Variants in ZNF324 observed in about 807,000 individuals in gnomAD.
ZNF324 encodes zinc finger protein 324.
In ZNF324, 3 loss-of-function variants were observed where a neutral mutation model predicts 10.3. That is an observed-to-expected ratio of 0.29 (90% CI 0.13 to 0.75). The LOEUF is 0.75. ZNF324 is among the 30% of genes least tolerant of loss of function. The pLI is 0.69. For synonymous variants in ZNF324, 430 were observed against 339.5 expected (o/e 1.27, Z -2.93); for missense variants, 763 against 784.4 (o/e 0.97, Z 0.33).
At chr19:58,470,406 GT>G (rs1023649450) in intron 3 of ZNF324, 3 of 454,548 alleles carry the variant, frequency 6.6e-6, no homozygotes, top group Non-Finnish European at 1.2e-5. Context: ...GGGGAAGGGG[GT>G]AAGCAATGGA....
Position 58,474,653 on chromosome 19 carries a change from G to C in ZNF324, c.*2499G>C, listed in dbSNP as rs2053065705. On this transcript the variant is annotated 3_prime_UTR_variant, in exon 4 of 4. Coordinates refer to ENST00000196482, the MANE Select transcript of ZNF324 (RefSeq NM_014347.3). ...CCCCCTCTGCTCTTAATTTTGAATA[G>C]GTAGTGACTGTAAAAGTATCCCTGG... 6.6e-6 allele frequency: 1 copy of C among 152,118 alleles called. No homozygotes were observed. The allele number at this position is 152,118 out of a possible 1,614,324, so 9.4% of individuals were successfully genotyped here. A position where few individuals can be genotyped will look rare whatever the true frequency, so the allele number is the denominator to read the frequency against.
At chr19:58,467,438 A>C (rs1026594367) in intron 1 of ZNF324, 9 of 151,666 alleles carry the variant, frequency 5.9e-5, no homozygotes, top group African/African-American at 1.9e-4. Flanking sequence ...TGGCGGGGAA[A>C]GGCTGGGTGG....
rs762648210 is a variant in ZNF324, at chr19:58,472,020, C to T, written c.1528C>T (p.Arg510Trp). Residue 510 changes from arginine (R) to tryptophan (W), a missense_variant, in exon 4 of 4, where the codon CGG (arginine) becomes TGG (tryptophan). By Grantham distance (101) the Arg-to-Trp change is moderately radical. This residue lies in a region of ZNF324 where 231 missense variants were observed against 196.0 expected (regional missense o/e 1.18). Transcript: ENST00000196482. ...QRIHTGEKTV[R>W]RSRASLHPQA... The stretch of plus-strand genomic sequence containing the variant: ...GATCCATACCGGCGAGAAGACCGTC[C>T]GGCGATCCAGGGCCAGCCTGCACCC... The T allele has an allele frequency of 2.0e-5, 32 of 1,607,318 alleles. No homozygotes were observed. The highest frequency in any genetic ancestry group is 2.5e-5 in the Non-Finnish European group (30 of 1,179,718).
At chr19:58,469,138 C>G in intron 1 of ZNF324, 42 bp from the exon 2 acceptor site, 1 of 1,613,466 alleles carries the variant, frequency 6.2e-7, no homozygotes, top group African/African-American at 1.3e-5. Flanking sequence ...TTGGATAACC[C>G]AGCCTTAGAC....
rs766440384 is a variant in ZNF324, at chr19:58,469,169, T to C, written c.-6-11T>C. The stretch of plus-strand genomic sequence containing the variant: ...TAGACCATGGCTGTCTCTTCCTCCC[T>C]GCTCTTTTAGGACCAGATGGCCTTT... On this transcript the variant is annotated splice_polypyrimidine_tract_variant and intron_variant, in intron 1 of 3. Coordinates refer to ENST00000196482, the MANE Select transcript of ZNF324 (RefSeq NM_014347.3). 3.1e-6 allele frequency: 5 copies of C among 1,614,172 alleles called. No individual in the cohort carries two copies. The Admixed American group carries it at 8.3e-5, about 27-fold the overall frequency.
rs1017036798 is a variant in ZNF324 at position 58,474,333 on chromosome 19, C to T, written c.*2179C>T. 6.6e-6 allele frequency: 1 copy of T among 152,170 alleles called. No individual in the cohort carries two copies. Among genetic ancestry groups the T allele is most frequent in the Non-Finnish European group, 1.5e-5 (1 of 68,044 alleles). 9.4% of individuals were successfully genotyped at this position (152,170 alleles called of 1,614,324 possible). A position where few individuals can be genotyped will look rare whatever the true frequency, so the allele number is the denominator to read the frequency against. On this transcript the variant is annotated 3_prime_UTR_variant, in exon 4 of 4. Coordinates refer to ENST00000196482, the MANE Select transcript of ZNF324 (RefSeq NM_014347.3). ...AAAGCATCTGTCAAACAAGTAGATA[C>T]CCAGAGAGTCACGTGAAATCATTTC...
rs143155418 is a variant in ZNF324 at position 58,471,737 on chromosome 19, C to T, written c.1245C>T (p.His415=). 6 of 1,612,574 alleles carry T rather than the reference C, an allele frequency of 3.7e-6. No homozygotes were observed. The highest frequency in any genetic ancestry group is 5.1e-6 in the Non-Finnish European group (6 of 1,179,496). The change falls in exon 4 of 4, where the codon CAC becomes CAT. Residue 415 remains histidine (H), a synonymous_variant. Coordinates refer to ENST00000196482, the MANE Select transcript of ZNF324 (RefSeq NM_014347.3). ...GCCAGGGCTCCTCGCTCTTTAAGCA[C>T]CAGCGCGTGCACACAGGCGAGAAGC... ...AFSQGSSLFK[H]QRVHTGEKPF... is the part of the protein sequence containing the mutation.
chr19:58,471,875 C>G lies in ZNF324; in HGVS notation c.1383C>G (p.Ala461=). 6.2e-7 allele frequency: 1 copy of G among 1,612,200 alleles called. No homozygotes were observed. The highest frequency in any genetic ancestry group is 2.2e-5 in the East Asian group (1 of 44,876). Residue 461 remains alanine (A), a synonymous_variant, in exon 4 of 4, where the codon GCC becomes GCG. Coordinates refer to ENST00000196482, the MANE Select transcript of ZNF324 (RefSeq NM_014347.3). Reference sequence around the variant, plus strand: ...TCCGCTGCGTGGACTGTGGCAAGGCCTTCGCCAAGGGCGCCGTGCTGCTCA... The same window carrying G: ...TCCGCTGCGTGGACTGTGGCAAGGCGTTCGCCAAGGGCGCCGTGCTGCTCA... The part of the protein sequence containing the change: ...RPFRCVDCGK[A]FAKGAVLLSH...
At position 58,474,335 on chromosome 19, in the gene ZNF324, CAG is replaced by C. The variant is rs962663145; in HGVS notation, c.*2186_*2187del. On this transcript the variant is annotated 3_prime_UTR_variant, in exon 4 of 4. Transcript: ENST00000196482. Reference sequence around the variant, plus strand: ...AGCATCTGTCAAACAAGTAGATACCCAGAGAGTCACGTGAAATCATTTCTATG... The same window carrying C: ...AGCATCTGTCAAACAAGTAGATACCCAGAGTCACGTGAAATCATTTCTATG... The C allele has an allele frequency of 5.9e-5, 9 of 152,284 alleles. No individual in the cohort carries two copies. Among genetic ancestry groups the C allele is most frequent in the African/African-American group, 1.2e-4 (5 of 41,546 alleles). The allele number at this position is 152,284 out of a possible 1,614,324, so 9.4% of individuals were successfully genotyped here. A position where few individuals can be genotyped will look rare whatever the true frequency, so the allele number is the denominator to read the frequency against.
intron 1 of ZNF324, chr19:58,468,168 A>G: frequency 1.0e-6 from 1 of 984,896 alleles, no homozygotes. Flanking sequence ...GGGAAAGATC[A>G]AGAGTCTGGG....
rs1053257343 is a variant in ZNF324, at chr19:58,470,914, T to A, written c.422T>A (p.Val141Glu). The A allele has an allele frequency of 6.2e-7, 1 of 1,614,230 alleles. No homozygotes were observed. The highest frequency in any genetic ancestry group is 1.3e-5 in the African/African-American group (1 of 75,058). Residue 141 changes from valine (V) to glutamate (E), a missense_variant, in exon 4 of 4, where the codon GTG becomes GAG. This residue lies in a region of ZNF324 where 379 missense variants were observed against 319.4 expected (regional missense o/e 1.19). Coordinates refer to ENST00000196482, the MANE Select transcript of ZNF324 (RefSeq NM_014347.3). ...SRERKPTGVS[V>E]IYWERLLLGS... ...GAGAGAAAACCCACGGGGGTGTCGG[T>A]GATCTACTGGGAGAGGCTCCTGCTA...
chr19:58,467,213 C>T (rs1242665400), intron 1 of ZNF324, 30 bp downstream of exon 1: 2 of 152,308 alleles, frequency 1.3e-5, no homozygotes, highest in South Asian at 2.0e-4. Context: ...GTCGGGCCCG[C>T]CCTGCGCACG....
chr19:58,469,821 C>A lies in ZNF324; in HGVS notation c.215C>A (p.Thr72Asn). ...PSGTDTTLSRTTYRRRNPGSW... is the reference protein window; with the variant it reads ...PSGTDTTLSRNTYRRRNPGSW... ...GGAACGGACACAACCCTGTCCAGGA[C>A]CACCTACAGGAGGCGCAACCCTGGT... Residue 72 changes from threonine (T) to asparagine (N), a missense_variant, in exon 3 of 4, where the codon ACC becomes AAC. By Grantham distance (65) the Thr-to-Asn change is moderately conservative. Coordinates refer to ENST00000196482, the MANE Select transcript of ZNF324 (RefSeq NM_014347.3). The A allele has an allele frequency of 6.2e-7, 1 of 1,601,008 alleles. No homozygotes were observed. Among genetic ancestry groups the A allele is most frequent in the Non-Finnish European group, 8.5e-7 (1 of 1,173,892 alleles).
Position 58,470,734 on chromosome 19 carries a change from C to T in ZNF324, c.242C>T (p.Ser81Phe). The change falls in exon 4 of 4, where the codon TCC becomes TTC. Residue 81 changes from serine to phenylalanine, a missense_variant. Around this residue, in one of 3 missense-constraint regions of ZNF324, gnomAD observed 379 missense variants for 319.4 expected, o/e 1.19. Coordinates refer to ENST00000196482, the MANE Select transcript of ZNF324 (RefSeq NM_014347.3). ...ACCACTGTTTCTCTGCCTTTAGGTT[C>T]CTGGAGTTTGACAGAGGATAGAGAT... ...RTTYRRRNPG[S>F]WSLTEDRDVS... The T allele has an allele frequency of 6.2e-7, 1 of 1,614,228 alleles. No homozygotes were observed.
At position 58,471,768 on chromosome 19, in the gene ZNF324, G is replaced by C. The variant is rs761664990; in HGVS notation, c.1276G>C (p.Ala426Pro). ...CGTGCACACAGGCGAGAAGCCCTTC[G>C]CCTGCCCACAGTGCGGCCGCGCCTT... is the stretch of plus-strand genomic sequence containing the variant. ...QRVHTGEKPF[A>P]CPQCGRAFSH... Residue 426 changes from alanine (A) to proline (P), a missense_variant, in exon 4 of 4, where the codon GCC becomes CCC. This residue lies in a region of ZNF324 where 231 missense variants were observed against 196.0 expected (regional missense o/e 1.18). Transcript: ENST00000196482. 69 of 1,612,702 alleles carry C rather than the reference G, an allele frequency of 4.3e-5. No individual in the cohort carries two copies. Among genetic ancestry groups the C allele is most frequent in the Admixed American group, 1.7e-5 (1 of 59,972 alleles).
Position 58,470,965 on chromosome 19 carries a change from T to G in ZNF324, c.473T>G (p.Val158Gly). 2 of 1,614,202 alleles carry G rather than the reference T, an allele frequency of 1.2e-6. No homozygotes were observed. Among genetic ancestry groups the G allele is most frequent in the South Asian group, 2.2e-5 (2 of 91,084 alleles). Residue 158 changes from valine to glycine, a missense_variant, in exon 4 of 4, where the codon GTC (valine) becomes GGC (glycine). This residue lies in a region of ZNF324 where 379 missense variants were observed against 319.4 expected (regional missense o/e 1.19). Coordinates refer to ENST00000196482, the MANE Select transcript of ZNF324 (RefSeq NM_014347.3). The stretch of plus-strand genomic sequence containing the variant: ...GGCTCAGGCAGTGGGCAAGCCAGCG[T>G]CAGCCTGCGACTGACCTCCCCGCTT... ...LLGSGSGQAS[V>G]SLRLTSPLRP... is the part of the protein sequence containing the mutation.
In ZNF324 at chr19:58,470,440, G is replaced by A; in HGVS notation, c.239-291G>A. On this transcript the variant is annotated intron_variant, in intron 3 of 3. Coordinates refer to ENST00000196482, the MANE Select transcript of ZNF324 (RefSeq NM_014347.3). ...GGAAAGAGTGTGGGTGGAATAGCCA[G>A]TGTGGAGATGTATGCAGCATACAGC... The A allele has an allele frequency of 7.4e-6, 4 of 537,084 alleles. No homozygotes were observed. The South Asian group carries it at 7.9e-5, about 11-fold the overall frequency. 33.3% of individuals were successfully genotyped at this position (537,084 alleles called of 1,614,324 possible).
At chr19:58,470,213 CA>C (rs2053016029) in intron 3 of ZNF324, among the ~76,000 whole-genome samples, 1 of 152,162 alleles carries the variant, frequency 6.6e-6, no homozygotes, top group Non-Finnish European at 1.5e-5. Context: ...TGGTCAGGCC[CA>C]GTCCAGGCAA....
In ZNF324 at chr19:58,473,071, A is replaced by C. The variant is rs570296925; in HGVS notation, c.*917A>C. ...GTCACTGACTGGTTTACCAAAGTCG[A>C]TGTGAGGAGGAGGCTTTATACCTGA... On this transcript the variant is annotated 3_prime_UTR_variant, in exon 4 of 4. Coordinates refer to ENST00000196482, the MANE Select transcript of ZNF324 (RefSeq NM_014347.3). The C allele has an allele frequency of 3.9e-5, 6 of 152,780 alleles. No individual in the cohort carries two copies. In the East Asian group the frequency reaches 1.2e-3, roughly 29 times the overall value. 9.5% of individuals were successfully genotyped at this position (152,780 alleles called of 1,614,324 possible). A position where few individuals can be genotyped will look rare whatever the true frequency, so the allele number is the denominator to read the frequency against.
Sources: allele counts gnomAD v4.1 joint callset (sites outside exome capture counted in the v4.1 genomes callset), GRCh38; gene constraint gnomAD v4.1.1; regional missense constraint gnomAD v4.1.1; transcripts MANE v1.5; gene names NCBI Gene and HGNC (gene_info 2026-07-23, HGNC 2026-07-21).